CDH18: variants seen among roughly 807,000 people sequenced by gnomAD.
CDH18 encodes cadherin-18.
A neutral mutation model predicts 67.9 loss-of-function variants in CDH18; 31 were observed. That is an observed-to-expected ratio of 0.46 (90% CI 0.34 to 0.62). The LOEUF (loss-of-function observed/expected upper bound fraction) is 0.62. Ranked by LOEUF, CDH18 falls within the 20% of genes least tolerant of loss-of-function variation. The probability of loss-of-function intolerance (pLI) is 0.01; values close to 1 mark genes in which losing one functional copy is unlikely to be tolerated. For synonymous variants in CDH18, 362 were observed against 347.2 expected (o/e 1.04, Z -0.48); for missense variants, 890 against 975.5 (o/e 0.91, Z 1.17).
chr5:20,557,132 TA>T (rs1173501718), intron 1 of CDH18, among the ~76,000 whole-genome samples: 1 of 152,114 alleles, frequency 6.6e-6, no homozygotes, highest in African/African-American at 2.4e-5. Flanking sequence ...AGGTACAGAA[TA>T]AAAAATGTTA....
In CDH18 at chr5:20,540,974, T is replaced by C. The variant is rs561906465; in HGVS notation, c.-580+34488A>G. Among the ~76,000 whole-genome samples the C allele has an allele frequency of 3.9e-5, 6 of 152,322 alleles. No individual in the cohort carries two copies. In the South Asian group the frequency reaches 1.2e-3, roughly 32 times the overall value. ...AATCAGTGAAGACATTAGTGATGACTGAGGAAGTTCTATTCTCACACTCTT... is the reference window on the plus strand; with the variant it reads ...AATCAGTGAAGACATTAGTGATGACCGAGGAAGTTCTATTCTCACACTCTT... On this transcript the variant is annotated intron_variant, in intron 1 of 14. Coordinates refer to the CDH18 transcript ENST00000507958.
intron 1 of CDH18, among the ~76,000 whole-genome samples, chr5:20,477,800 G>A (rs1482316022): frequency 6.6e-6 from 1 of 152,186 alleles, no homozygotes; most frequent in Non-Finnish European, 1.5e-5. Flanking sequence ...ACGCCAGCTG[G>A]GGCACCAGTC....
chr5:19,535,108 C>G (rs1749207845), intron 9 of CDH18, among the ~76,000 whole-genome samples: 1 of 152,142 alleles, frequency 6.6e-6, no homozygotes, highest in Non-Finnish European at 1.5e-5. Flanking sequence ...CCCACGTAAG[C>G]TGTTCCCTTA....
chr5:20,204,090 C>T (rs1244045975), intron 2 of CDH18, among the ~76,000 whole-genome samples: 1 of 151,876 alleles, frequency 6.6e-6, no homozygotes, highest in Non-Finnish European at 1.5e-5. Flanking sequence ...AACAAATAAT[C>T]ATAGAAAACT....
intron 1 of CDH18, among the ~76,000 whole-genome samples, chr5:20,284,767 T>C (rs1746556388): frequency 6.6e-6 from 1 of 151,874 alleles, no homozygotes; most frequent in Non-Finnish European, 1.5e-5. Flanking sequence ...GATTCAATCA[T>C]CAGAGACAAA....
intron 2 of CDH18, among the ~76,000 whole-genome samples, chr5:20,058,857 A>G (rs930895945): frequency 6.6e-6 from 1 of 152,128 alleles, no homozygotes; most frequent in Non-Finnish European, 1.5e-5. Context: ...TTGCAGTTCT[A>G]ATTACTATTA....
chr5:19,751,079 AT>A (rs1770781789), intron 3 of CDH18, among the ~76,000 whole-genome samples: 2 of 152,130 alleles, frequency 1.3e-5, no homozygotes, highest in South Asian at 4.1e-4. Flanking sequence ...ACTTTAATAA[AT>A]TGTCACTTTC....
intron 2 of CDH18, among the ~76,000 whole-genome samples, chr5:19,922,008 T>A (rs574307042): frequency 6.6e-6 from 1 of 152,240 alleles, no homozygotes; most frequent in Admixed American, 6.5e-5. Flanking sequence ...GTTTTACTAA[T>A]GGAGAAAGTT....
chr5:20,056,680 C>CTTTTTTTTTTT (rs397758122), intron 2 of CDH18, among the ~76,000 whole-genome samples: 4 of 70,024 alleles, frequency 5.7e-5, no homozygotes, highest in South Asian at 6.3e-4. Context: ...TCTATATTCT[C>CTTTTTTTTTTT]TTTTTTTTTT....
intron 5 of CDH18, among the ~76,000 whole-genome samples, chr5:19,697,643 C>A (rs1036725686): frequency 6.6e-6 from 1 of 152,114 alleles, no homozygotes; most frequent in Non-Finnish European, 1.5e-5. Context: ...AGGCTCTAGA[C>A]TTTCCATAAA....
intron 2 of CDH18, among the ~76,000 whole-genome samples, chr5:20,242,004 A>T (rs1360494804): frequency 2.0e-5 from 3 of 151,294 alleles, no homozygotes; most frequent in African/African-American, 7.3e-5. Flanking sequence ...AATGAAAGCT[A>T]CAACACGTGT....
chr5:20,149,962 AGAG>A (rs1750972550), intron 2 of CDH18, among the ~76,000 whole-genome samples: 1 of 152,120 alleles, frequency 6.6e-6, no homozygotes, highest in Non-Finnish European at 1.5e-5. Flanking sequence ...AATGCAATTC[AGAG>A]TTGCCCACAC....
chr5:19,917,169 A>T (rs1022534060), intron 2 of CDH18, among the ~76,000 whole-genome samples: 1 of 152,182 alleles, frequency 6.6e-6, no homozygotes, highest in South Asian at 2.1e-4. Context: ...ACTTCTAAAA[A>T]TTATTTTCTA....
chr5:20,356,157 C>T (rs1369009710), intron 1 of CDH18, among the ~76,000 whole-genome samples: 3 of 151,980 alleles, frequency 2.0e-5, no homozygotes, highest in Middle Eastern at 3.2e-3. Flanking sequence ...CCGAGGTGGG[C>T]GGATCACCTG....
At chr5:20,569,419 G>C (rs1455003718) in intron 1 of CDH18, among the ~76,000 whole-genome samples, 1 of 152,040 alleles carries the variant, frequency 6.6e-6, no homozygotes, top group African/African-American at 2.4e-5. Flanking sequence ...TCAAGAGTTC[G>C]AGACCAGCCT....
chr5:20,416,196 G>T (rs1039779), intron 1 of CDH18, among the ~76,000 whole-genome samples: 32,421 of 151,954 alleles, frequency 0.21, 4,026 homozygotes, highest in East Asian at 0.39. Context: ...TTATGGAAAG[G>T]AAAAATGAAC....
chr5:20,070,326 C>G (rs532347058), intron 2 of CDH18, among the ~76,000 whole-genome samples: 3 of 151,914 alleles, frequency 2.0e-5, no homozygotes, highest in African/African-American at 7.3e-5. Context: ...GTTCAAAAAT[C>G]GGTTAAATTT....
At chr5:19,580,610 C>T (rs566561859) in intron 7 of CDH18, among the ~76,000 whole-genome samples, 28 of 151,886 alleles carry the variant, frequency 1.8e-4, no homozygotes, top group South Asian at 8.3e-4. Context: ...TACTTAACAC[C>T]GACCTATGCC....
intron 2 of CDH18, among the ~76,000 whole-genome samples, chr5:20,083,994 T>C (rs1744718413): frequency 6.6e-6 from 1 of 151,848 alleles, no homozygotes. Context: ...ATATCTCATA[T>C]CCTCACATTT....
Sources: allele counts gnomAD v4.1 joint callset (sites outside exome capture counted in the v4.1 genomes callset), GRCh38; gene constraint gnomAD v4.1.1; transcripts MANE v1.5; gene names NCBI Gene and HGNC (gene_info 2026-07-23, HGNC 2026-07-21).